ERBB4: variants seen among roughly 807,000 people sequenced by gnomAD.
ERBB4 encodes the protein erb-b2 receptor tyrosine kinase 4.
A neutral mutation model predicts 158.0 loss-of-function variants in ERBB4; 42 were observed. The observed-to-expected ratio is 0.27, with a 90% CI of 0.21 to 0.34. The LOEUF (loss-of-function observed/expected upper bound fraction) is 0.34, where lower values mean the gene tolerates loss of function less well. Ranked by LOEUF, ERBB4 falls within the 10% of genes least tolerant of loss-of-function variation. The pLI is 1.00. For missense variants in ERBB4, 1,333 were observed against 1,624.1 expected (o/e 0.82, Z 3.08); for synonymous variants, 583 against 558.7 (o/e 1.04, Z -0.61).
At chr2:211,707,391 G>T (rs750883971) in intron 9 of ERBB4, among the ~76,000 whole-genome samples, 5 of 152,150 alleles carry the variant, frequency 3.3e-5, no homozygotes, top group African/African-American at 9.7e-5. Flanking sequence ...TCGGAGCCAT[G>T]CAAAAGAACA....
chr2:212,199,132 T>C (rs1332909640), intron 1 of ERBB4, among the ~76,000 whole-genome samples: 4 of 152,320 alleles, frequency 2.6e-5, no homozygotes, highest in African/African-American at 9.6e-5. Context: ...CACAAGGGCT[T>C]CAATTTTTCC....
intron 1 of ERBB4, among the ~76,000 whole-genome samples, chr2:212,186,447 C>G (rs1191733543): frequency 6.6e-6 from 1 of 152,154 alleles, no homozygotes; most frequent in Non-Finnish European, 1.5e-5. Context: ...TTTTTATTTA[C>G]TTCACTGGTA....
intron 1 of ERBB4, among the ~76,000 whole-genome samples, chr2:212,252,548 T>C (rs1397742846): frequency 6.6e-6 from 1 of 152,016 alleles, no homozygotes; most frequent in African/African-American, 2.4e-5. Context: ...CAAGAAAAGA[T>C]GGAGGAGCAA....
At chr2:212,259,874 A>T (rs1574540820) in intron 1 of ERBB4, among the ~76,000 whole-genome samples, 1 of 152,096 alleles carries the variant, frequency 6.6e-6, no homozygotes. Context: ...GTTAGACCCC[A>T]GCCTGGCTAA....
chr2:212,315,639 C>G (rs1006469428), intron 1 of ERBB4, among the ~76,000 whole-genome samples: 1 of 150,884 alleles, frequency 6.6e-6, no homozygotes, highest in South Asian at 2.1e-4. Flanking sequence ...AAATATCCTG[C>G]CTTATCTGGG....
chr2:212,451,847 G>A lies in ERBB4; in HGVS notation c.82+86602C>T, dbSNP rs187202425. On this transcript the variant is annotated intron_variant, in intron 1 of 27. Coordinates refer to ENST00000342788, the MANE Select transcript of ERBB4 (RefSeq NM_005235.3). ...TTCATTTCTGTCTAGTTGCTACAGG[G>A]CGCAGCTATTCATATCTACAAAGCC... Among the ~76,000 whole-genome samples, 5 of 152,078 alleles carry A rather than the reference G, an allele frequency of 3.3e-5. No individual in the cohort carries two copies. In the East Asian group the frequency reaches 7.7e-4, roughly 23 times the overall value.
chr2:211,879,053 T>C (rs1189261348), intron 3 of ERBB4, among the ~76,000 whole-genome samples: 1 of 152,076 alleles, frequency 6.6e-6, no homozygotes, highest in Non-Finnish European at 1.5e-5. Flanking sequence ...AGACATTAAG[T>C]CATGGTTGGT....
intron 2 of ERBB4, among the ~76,000 whole-genome samples, chr2:211,987,656 A>G (rs1226325820): frequency 6.6e-6 from 1 of 152,158 alleles, no homozygotes; most frequent in Non-Finnish European, 1.5e-5. Context: ...TTTTATTTAC[A>G]CATTTTTATT....
At chr2:212,446,591 G>GTGTATATA (rs2092355369) in intron 1 of ERBB4, among the ~76,000 whole-genome samples, 4 of 27,518 alleles carry the variant, frequency 1.5e-4, no homozygotes, top group Admixed American at 5.9e-4. Flanking sequence ...ATATATATAT[G>GTGTATATA]TATATATATA....
intron 1 of ERBB4, among the ~76,000 whole-genome samples, chr2:212,231,941 GC>G (rs1263328688): frequency 6.6e-6 from 1 of 152,086 alleles, no homozygotes; most frequent in Admixed American, 6.6e-5. Context: ...TTAATCTGAA[GC>G]TTTTACTTAT....
intron 1 of ERBB4, among the ~76,000 whole-genome samples, chr2:212,439,016 T>C (rs1435753586): frequency 6.6e-6 from 1 of 152,126 alleles, no homozygotes; most frequent in Non-Finnish European, 1.5e-5. Context: ...AAAAACTGGA[T>C]GCCCTTTCAA....
intron 14 of ERBB4, 113 bp downstream of exon 14, chr2:211,673,051 C>T (rs1041392136): frequency 3.1e-5 from 26 of 852,450 alleles, no homozygotes; most frequent in South Asian, 2.7e-4. Context: ...AACATGTTTC[C>T]CCATGGCATC....
At chr2:212,139,257 G>A (rs1170683625) in intron 1 of ERBB4, among the ~76,000 whole-genome samples, 1 of 151,930 alleles carries the variant, frequency 6.6e-6, no homozygotes, top group African/African-American at 2.4e-5. Flanking sequence ...ACTCAGAAAT[G>A]TCTTCTACAT....
intron 20 of ERBB4, among the ~76,000 whole-genome samples, chr2:211,472,429 C>T (rs1395633933): frequency 6.6e-6 from 1 of 151,176 alleles, no homozygotes; most frequent in Admixed American, 6.6e-5. Flanking sequence ...GGAAGAGACA[C>T]TCAAATTTGG....
intron 1 of ERBB4, among the ~76,000 whole-genome samples, chr2:212,376,576 T>C (rs567739335): frequency 6.6e-6 from 1 of 152,036 alleles, no homozygotes; most frequent in Non-Finnish European, 1.5e-5. Context: ...AGCATTTCAA[T>C]GGGAAATCAT....
At chr2:212,418,647 CTT>C (rs1005013625) in intron 1 of ERBB4, among the ~76,000 whole-genome samples, 5 of 151,558 alleles carry the variant, frequency 3.3e-5, no homozygotes, top group African/African-American at 4.8e-5. Flanking sequence ...ATTAAATACA[CTT>C]TTTGAAAATG....
chr2:212,253,678 G>A (rs754547625), intron 1 of ERBB4, among the ~76,000 whole-genome samples: 3 of 152,166 alleles, frequency 2.0e-5, no homozygotes, highest in Non-Finnish European at 4.4e-5. Context: ...TTTGTGCAGA[G>A]GTTGAGATAA....
At position 211,740,252 on chromosome 2, in the gene ERBB4, C is replaced by T. The variant is rs147504557; in HGVS notation, c.622+10387G>A. On this transcript the variant is annotated intron_variant, in intron 5 of 27. Transcript: ENST00000342788. ...TAGATAGACCAAAAATAACTGTCTT[C>T]AGTGAGATAGTAATATATACAAATT... 1.5e-3 allele frequency among the ~76,000 whole-genome samples: 231 copies of T among 152,160 alleles called. 1 individual carries two copies. Among genetic ancestry groups the T allele is most frequent in the African/African-American group, 5.3e-3 (221 of 41,508 alleles).
At chr2:211,828,609 T>C (rs1028429894) in intron 3 of ERBB4, among the ~76,000 whole-genome samples, 7 of 152,174 alleles carry the variant, frequency 4.6e-5, no homozygotes, top group African/African-American at 1.7e-4. Context: ...CAGTGGTCTC[T>C]TGCTAAAACA....
Sources: allele counts gnomAD v4.1 joint callset (sites outside exome capture counted in the v4.1 genomes callset), GRCh38; gene constraint gnomAD v4.1.1; transcripts MANE v1.5; gene names NCBI Gene and HGNC (gene_info 2026-07-23, HGNC 2026-07-21).